SYT1: variants seen among roughly 807,000 people sequenced by gnomAD.
SYT1 encodes the protein synaptotagmin 1.
A neutral mutation model predicts 44.8 loss-of-function variants in SYT1; 8 were observed. That is an observed-to-expected ratio of 0.18 (90% CI 0.10 to 0.32). SYT1 has a LOEUF of 0.32. Ranked by LOEUF, SYT1 falls within the 10% of genes least tolerant of loss-of-function variation. SYT1 has a pLI of 1.00. For synonymous variants in SYT1, 154 were observed against 188.8 expected, an observed-to-expected ratio of 0.82 and a Z score of 1.51; for missense variants, 286 against 509.3, an observed-to-expected ratio of 0.56 and a Z score of 4.22.
At chr12:79,026,702 T>TATAAAA (rs34140383) in intron 2 of SYT1, among the ~76,000 whole-genome samples, 126 of 125,302 alleles carry the variant, frequency 1.0e-3, no homozygotes, top group African/African-American at 3.2e-3. Context: ...TATATATATA[T>TATAAAA]CACACTTTCA....
chr12:79,118,771 C>T (rs778369479), intron 3 of SYT1, among the ~76,000 whole-genome samples: 87 of 152,236 alleles, frequency 5.7e-4, no homozygotes, highest in Admixed American at 1.6e-3. Context: ...CCACAGGCTC[C>T]CTATCCTGAG....
At chr12:79,323,346 T>C (rs1427513519) in intron 8 of SYT1, among the ~76,000 whole-genome samples, 1 of 152,220 alleles carries the variant, frequency 6.6e-6, no homozygotes, top group East Asian at 1.9e-4. Context: ...GGGTTTTCCA[T>C]ATATCAGCCC....
intron 2 of SYT1, among the ~76,000 whole-genome samples, chr12:79,021,453 T>C (rs1872186391): frequency 6.6e-6 from 1 of 151,860 alleles, no homozygotes; most frequent in South Asian, 2.1e-4. Flanking sequence ...AAATTGTGCA[T>C]ATATAGATAG....
intron 3 of SYT1, among the ~76,000 whole-genome samples, chr12:79,214,211 G>A (rs1466976862): frequency 6.6e-6 from 1 of 152,070 alleles, no homozygotes; most frequent in Non-Finnish European, 1.5e-5. Flanking sequence ...AAATTTCACA[G>A]TGGTATGCAC....
At chr12:78,865,517 G>T (rs1464868057) in intron 1 of SYT1, among the ~76,000 whole-genome samples, 1 of 151,984 alleles carries the variant, frequency 6.6e-6, no homozygotes, top group Non-Finnish European at 1.5e-5. Flanking sequence ...AGGAAAGAGG[G>T]GGAGTGAAGA....
At chr12:78,911,421 G>A (rs1876318996) in intron 1 of SYT1, among the ~76,000 whole-genome samples, 1 of 151,904 alleles carries the variant, frequency 6.6e-6, no homozygotes, top group Admixed American at 6.6e-5. Context: ...GAGAGCCTAA[G>A]ACTGAACCTT....
chr12:78,980,201 T>C (rs1869145975), intron 2 of SYT1, among the ~76,000 whole-genome samples: 1 of 152,176 alleles, frequency 6.6e-6, no homozygotes, highest in African/African-American at 2.4e-5. Flanking sequence ...AGAACTGTCT[T>C]CTGAACCATG....
chr12:79,357,181 C>A (rs1055300871), intron 9 of SYT1, among the ~76,000 whole-genome samples: 2 of 152,186 alleles, frequency 1.3e-5, no homozygotes, highest in African/African-American at 4.8e-5. Flanking sequence ...AAGATTTGGC[C>A]TCTATTGTAT....
intron 1 of SYT1, among the ~76,000 whole-genome samples, chr12:78,892,816 T>A (rs1158326936): frequency 6.6e-6 from 1 of 151,786 alleles, no homozygotes; most frequent in Non-Finnish European, 1.5e-5. Flanking sequence ...AGAGGAGAAT[T>A]ATTTTTTTCA....
At chr12:79,105,580 A>G (rs192706865) in intron 3 of SYT1, among the ~76,000 whole-genome samples, 32 of 152,244 alleles carry the variant, frequency 2.1e-4, no homozygotes, top group Non-Finnish European at 3.4e-4. Context: ...GATATTGGAG[A>G]TAAGAAAATA....
intron 1 of SYT1, among the ~76,000 whole-genome samples, chr12:78,888,296 C>T (rs982992975): frequency 2.6e-5 from 4 of 151,690 alleles, no homozygotes; most frequent in Non-Finnish European, 4.4e-5. Flanking sequence ...TCTTCATTTC[C>T]TCTCCTGGAA....
intron 1 of SYT1, among the ~76,000 whole-genome samples, chr12:78,881,602 C>T (rs1026818389): frequency 2.0e-5 from 3 of 151,628 alleles, no homozygotes; most frequent in African/African-American, 7.3e-5. Context: ...CATTTTCTAA[C>T]TGTGTTTGTA....
intron 1 of SYT1, among the ~76,000 whole-genome samples, chr12:78,891,345 G>A (rs1420786367): frequency 4.0e-5 from 6 of 151,866 alleles, no homozygotes; most frequent in Admixed American, 2.6e-4. Flanking sequence ...GAAAGTCATC[G>A]ATTTGGTTAG....
intron 8 of SYT1, among the ~76,000 whole-genome samples, chr12:79,323,566 A>G (rs1041066763): frequency 2.0e-5 from 3 of 152,232 alleles, no homozygotes; most frequent in African/African-American, 7.2e-5. Context: ...ATTATAAAGA[A>G]TTATGGCAAA....
chr12:79,178,090 C>T (rs1162092930), intron 3 of SYT1, among the ~76,000 whole-genome samples: 1 of 152,066 alleles, frequency 6.6e-6, no homozygotes, highest in Non-Finnish European at 1.5e-5. Context: ...GTTGCCATTG[C>T]TGTAAAAGCA....
intron 8 of SYT1, among the ~76,000 whole-genome samples, chr12:79,301,874 T>C (rs1444216601): frequency 6.6e-6 from 1 of 152,200 alleles, no homozygotes; most frequent in Non-Finnish European, 1.5e-5. Context: ...TATTTCTCTT[T>C]ATCAAGGTAT....
chr12:79,379,857 C>T (rs1884145907), intron 9 of SYT1, among the ~76,000 whole-genome samples: 1 of 152,170 alleles, frequency 6.6e-6, no homozygotes, highest in East Asian at 1.9e-4. Context: ...TAATACTTCA[C>T]ATGTACTATT....
At chr12:79,033,169 A>T (rs892728784) in intron 2 of SYT1, among the ~76,000 whole-genome samples, 1 of 151,348 alleles carries the variant, frequency 6.6e-6, no homozygotes, top group Non-Finnish European at 1.5e-5. Flanking sequence ...CATCCATGTT[A>T]TTGCTTCACT....
chr12:79,269,419 GA>G (rs1034973250), intron 4 of SYT1, among the ~76,000 whole-genome samples: 4 of 152,082 alleles, frequency 2.6e-5, no homozygotes, highest in Non-Finnish European at 4.4e-5. Flanking sequence ...TAGGGAAAGG[GA>G]ACCATCCTTT....
Sources: allele counts gnomAD v4.1 joint callset (sites outside exome capture counted in the v4.1 genomes callset), GRCh38; gene constraint gnomAD v4.1.1; transcripts MANE v1.5; gene names NCBI Gene and HGNC (gene_info 2026-07-23, HGNC 2026-07-21).